The following PIK3CB variants were observed in gnomAD, a reference collection of about 807,000 sequenced individuals.
The protein encoded by PIK3CB is phosphatidylinositol-4,5-bisphosphate 3-kinase catalytic subunit beta.
Under a neutral mutation model 136.8 loss-of-function variants are expected in PIK3CB, and 39 were observed. The ratio of observed to expected loss-of-function variants is 0.29; its 90% CI spans 0.22 to 0.37. The LOEUF (loss-of-function observed/expected upper bound fraction) is 0.37. Ranked by LOEUF, PIK3CB falls within the 10% of genes least tolerant of loss-of-function variation. The probability of loss-of-function intolerance (pLI) is 1.00; values close to 1 mark genes in which losing one functional copy is unlikely to be tolerated. For synonymous variants in PIK3CB, 428 were observed against 436.6 expected (o/e 0.98, Z 0.25); for missense variants, 868 against 1,275.4 (o/e 0.68, Z 4.87).
intron 13 of PIK3CB, 44 bp from the exon 14 acceptor site, chr3:138,694,951 A>C (rs753533686): frequency 2.6e-6 from 4 of 1,562,338 alleles, no homozygotes; most frequent in Non-Finnish European, 1.7e-6. Context: ...GGGGGACAAA[A>C]GTAATCTAAT....
At chr3:138,819,512 T>C (rs1035546926) in intron 1 of PIK3CB, among the ~76,000 whole-genome samples, 3 of 152,224 alleles carry the variant, frequency 2.0e-5, no homozygotes, top group African/African-American at 4.8e-5. Flanking sequence ...CCATGCCATT[T>C]TTATATTTTG....
intron 1 of PIK3CB, among the ~76,000 whole-genome samples, chr3:138,828,126 A>G (rs1933864618): frequency 6.6e-6 from 1 of 152,176 alleles, no homozygotes; most frequent in African/African-American, 2.4e-5. Flanking sequence ...CATTCAATCA[A>G]AAGATTTTAG....
At position 138,762,339 on chromosome 3, in the gene PIK3CB, T is replaced by C. The variant is rs79318338; in HGVS notation, c.-16-2980A>G. On this transcript the variant is annotated intron_variant, in intron 2 of 23. Coordinates refer to ENST00000674063, the MANE Select transcript of PIK3CB (RefSeq NM_006219.3). ...ATTCATTATAAGCTCCTTGAGGAGA[T>C]ATAATGTCTAGTGGTCTTACTTTTA... Among the ~76,000 whole-genome samples the C allele has an allele frequency of 6.5e-3, 990 of 152,354 alleles. 20 individuals are homozygous for C. Among genetic ancestry groups the C allele is most frequent in the East Asian group, 0.064 (332 of 5,184 alleles).
intron 22 of PIK3CB, 50 bp downstream of exon 22, chr3:138,657,640 G>C (rs749906927): frequency 1.3e-6 from 2 of 1,525,830 alleles, no homozygotes; most frequent in Admixed American, 3.6e-5. Flanking sequence ...CACCTGGTCA[G>C]ATAAGAAAAT....
At chr3:138,753,642 G>T (rs1377498431) in intron 4 of PIK3CB, among the ~76,000 whole-genome samples, 1 of 151,894 alleles carries the variant, frequency 6.6e-6, no homozygotes, top group Non-Finnish European at 1.5e-5. Flanking sequence ...ACCAGCCTGG[G>T]CAACATGCTA....
At position 138,831,286 on chromosome 3, in the gene PIK3CB, T is replaced by TA. The variant is rs879667038; in HGVS notation, c.-122+3408dup. On this transcript the variant is annotated intron_variant, in intron 1 of 23. Coordinates refer to ENST00000674063, the MANE Select transcript of PIK3CB (RefSeq NM_006219.3). ...TAAATAAAATAAAATAAAATAAAATTAAATTAAATTAAAATTAAAAATAGT... is the reference window on the plus strand; with the variant it reads ...TAAATAAAATAAAATAAAATAAAATTAAAATTAAATTAAAATTAAAAATAGT... 2.4e-3 allele frequency among the ~76,000 whole-genome samples: 202 copies of TA among 85,566 alleles called. 2 individuals carry two copies. Among genetic ancestry groups the TA allele is most frequent in the Non-Finnish European group, 3.9e-3 (142 of 36,008 alleles). The allele number at this position is 85,566 out of a possible 152,430, so 56.1% of individuals were successfully genotyped here.
rs1255206992 is a variant in PIK3CB at position 138,705,179 on chromosome 3, AAC to A, written c.1531-688_1531-687del. ...GCAAAAAAAAAAAAAAAAAACAAAA[AAC>A]AAAACAAACAAAAAAAAAAACTTAT... On this transcript the variant is annotated intron_variant, in intron 11 of 23. Transcript: ENST00000674063. Among the ~76,000 whole-genome samples, 25 of 85,762 alleles carry A rather than the reference AAC, an allele frequency of 2.9e-4. 2 individuals are homozygous for A. The highest frequency in any genetic ancestry group is 1.3e-3 in the African/African-American group (22 of 16,826). The allele number at this position is 85,762 out of a possible 152,430, so 56.3% of individuals were successfully genotyped here.
chr3:138,777,240 C>T (rs1200249918), intron 2 of PIK3CB, among the ~76,000 whole-genome samples: 1 of 152,162 alleles, frequency 6.6e-6, no homozygotes, highest in Non-Finnish European at 1.5e-5. Flanking sequence ...GGTGCACGAT[C>T]CCTCTCCTTG....
At chr3:138,749,397 T>C (rs1264817207) in intron 4 of PIK3CB, among the ~76,000 whole-genome samples, 1 of 152,160 alleles carries the variant, frequency 6.6e-6, no homozygotes, top group African/African-American at 2.4e-5. Flanking sequence ...AATTTCTCTA[T>C]TCAAATTCTT....
At chr3:138,741,005 C>T (rs139246398) in intron 5 of PIK3CB, among the ~76,000 whole-genome samples, 131 of 152,296 alleles carry the variant, frequency 8.6e-4, no homozygotes, top group Non-Finnish European at 1.6e-3. Flanking sequence ...CTCTTGACCA[C>T]GGAGAATTCC....
At chr3:138,716,893 CAAAAAAAAAAAAAAAA>C (rs376627250) in intron 8 of PIK3CB, among the ~76,000 whole-genome samples, 38 of 11,092 alleles carry the variant, frequency 3.4e-3, no homozygotes, top group African/African-American at 8.6e-3. Context: ...GATTGTGTCT[CAAAAAAAAAAAAAAAA>C]AAAAAAAAAA....
At chr3:138,804,350 C>T (rs1216844326) in intron 1 of PIK3CB, among the ~76,000 whole-genome samples, 1 of 151,776 alleles carries the variant, frequency 6.6e-6, no homozygotes, top group Non-Finnish European at 1.5e-5. Context: ...CCCCTCTCTC[C>T]GAAAAAATTA....
chr3:138,692,010 T>C (rs2108508531), intron 14 of PIK3CB, among the ~76,000 whole-genome samples: 1 of 152,334 alleles, frequency 6.6e-6, no homozygotes. Flanking sequence ...AGAAAGTGAA[T>C]ACATTTATAA....
intron 19 of PIK3CB, among the ~76,000 whole-genome samples, chr3:138,679,007 A>T (rs1370055724): frequency 1.3e-5 from 2 of 152,148 alleles, no homozygotes; most frequent in African/African-American, 4.8e-5. Context: ...CAGAGATTGC[A>T]GTGAGCTGAG....
At chr3:138,692,941 G>A (rs2044039828) in intron 14 of PIK3CB, among the ~76,000 whole-genome samples, 1 of 152,116 alleles carries the variant, frequency 6.6e-6, no homozygotes, top group South Asian at 2.1e-4. Context: ...GGGAAATGTG[G>A]AGAAACTTAA....
chr3:138,690,478 G>A (rs2043984686), intron 15 of PIK3CB, among the ~76,000 whole-genome samples: 1 of 151,922 alleles, frequency 6.6e-6, no homozygotes, highest in African/African-American at 2.4e-5. Context: ...ACTTGGTGAA[G>A]TAAGGTTCGT....
At chr3:138,795,468 T>C (rs1449415532) in intron 2 of PIK3CB, among the ~76,000 whole-genome samples, 2 of 151,102 alleles carry the variant, frequency 1.3e-5, no homozygotes, top group Non-Finnish European at 3.0e-5. Context: ...CCATCTCTAT[T>C]AAAAATACAA....
intron 2 of PIK3CB, among the ~76,000 whole-genome samples, chr3:138,785,082 C>T (rs549439612): frequency 3.9e-5 from 6 of 151,916 alleles, no homozygotes; most frequent in Admixed American, 1.3e-4. Context: ...GCCCAGCAGC[C>T]GCCCTGTCCG....
intron 8 of PIK3CB, among the ~76,000 whole-genome samples, chr3:138,717,971 T>C (rs997244112): frequency 6.6e-6 from 1 of 152,348 alleles, no homozygotes; most frequent in East Asian, 1.9e-4. Context: ...ATCTTTGCAA[T>C]TGTGAATAGT....
Sources: allele counts gnomAD v4.1 joint callset (sites outside exome capture counted in the v4.1 genomes callset), GRCh38; gene constraint gnomAD v4.1.1; transcripts MANE v1.5; gene names NCBI Gene and HGNC (gene_info 2026-07-23, HGNC 2026-07-21).